Variants in HERC2 observed in about 807,000 individuals in gnomAD.
HERC2 encodes HECT and RLD domain containing E3 ubiquitin protein ligase 2.
In HERC2, 102 loss-of-function variants were observed where a neutral mutation model predicts 537.7. The ratio of observed to expected loss-of-function variants is 0.19; its 90% CI spans 0.16 to 0.22. The LOEUF (loss-of-function observed/expected upper bound fraction) is 0.22, where lower values mean the gene tolerates loss of function less well. Ranked by LOEUF, HERC2 falls within the 10% of genes least tolerant of loss-of-function variation. The probability of loss-of-function intolerance (pLI) is 1.00; values close to 1 mark genes in which losing one functional copy is unlikely to be tolerated. For missense variants in HERC2, 4,236 were observed against 6,198.2 expected (o/e 0.68, Z 10.63); for synonymous variants, 2,224 against 2,466.2 (o/e 0.90, Z 2.91).
rs1220883632 is a variant in HERC2, at chr15:28,111,231, T to TC, written c.*531dup. 1.4e-4 allele frequency: 22 copies of TC among 153,968 alleles called. No homozygotes were observed. The highest frequency in any genetic ancestry group is 5.1e-4 in the African/African-American group (21 of 41,478). 9.5% of individuals were successfully genotyped at this position (153,968 alleles called of 1,614,324 possible). On this transcript the variant is annotated 3_prime_UTR_variant, in exon 93 of 93. Coordinates refer to ENST00000261609, the MANE Select transcript of HERC2 (RefSeq NM_004667.6). ...GGACACCAAATGGCCTTCTGGTTTT[T>TC]CATTTTGGTTTAAATATCCTCTGGA...
At chr15:28,311,076 CAAAAAAA>C (rs71132854) in intron 2 of HERC2, among the ~76,000 whole-genome samples, 2 of 29,294 alleles carry the variant, frequency 6.8e-5, no homozygotes, top group Non-Finnish European at 1.2e-4. Flanking sequence ...GACTGCATCT[CAAAAAAA>C]AAAAAAAAAA....
chr15:28,280,701 T>TC (rs1057514774), intron 4 of HERC2, among the ~76,000 whole-genome samples: 3 of 151,994 alleles, frequency 2.0e-5, no homozygotes, highest in African/African-American at 7.3e-5. Flanking sequence ...GGTCAGGAGT[T>TC]CGAGACCAGC....
At chr15:28,184,810 C>T (rs1458273500) in intron 56 of HERC2, among the ~76,000 whole-genome samples, 3 of 150,976 alleles carry the variant, frequency 2.0e-5, no homozygotes, top group Non-Finnish European at 4.4e-5. Context: ...TGCAGTGAGC[C>T]GAGATTGCAC....
chr15:28,140,284 C>T (rs1307119418), intron 78 of HERC2, among the ~76,000 whole-genome samples: 3 of 152,086 alleles, frequency 2.0e-5, no homozygotes, highest in Admixed American at 6.6e-5. Context: ...TCCACCCACT[C>T]CTACCCAGAA....
intron 9 of HERC2, among the ~76,000 whole-genome samples, chr15:28,271,490 A>G (rs2075726928): frequency 6.6e-6 from 1 of 152,098 alleles, no homozygotes. Context: ...AACATGGTGA[A>G]ACCCCATCTT....
intron 3 of HERC2, 133 bp downstream of exon 3, chr15:28,299,269 C>G (rs971448516): frequency 2.5e-5 from 12 of 475,886 alleles, no homozygotes; most frequent in Non-Finnish European, 4.6e-5. Context: ...AGACAACAAT[C>G]TCCAAAGTAA....
rs528075333 is a variant in HERC2, at chr15:28,202,197, C to A, written c.7533G>T (p.Thr2511=). The A allele has an allele frequency of 6.3e-7, 1 of 1,599,342 alleles. No individual in the cohort carries two copies. Among genetic ancestry groups the A allele is most frequent in the Non-Finnish European group, 8.6e-7 (1 of 1,167,602 alleles). ...WLLDHSDIQV[T]ELSDADTVSD... is the part of the protein sequence containing the mutation. The stretch of plus-strand genomic sequence containing the variant: ...ACACCGTGTCTGCATCTGAGAGCTC[C>A]GTGACCTGTATGTCGGAGTGGTCCA... The change falls in exon 47 of 93, where the codon ACG becomes ACT. Residue 2511 remains threonine (T), a synonymous_variant. Transcript: ENST00000261609.
intron 79 of HERC2, among the ~76,000 whole-genome samples, chr15:28,134,365 T>C (rs76758673): frequency 9.2e-5 from 14 of 152,230 alleles, no homozygotes; most frequent in African/African-American, 3.4e-4. Context: ...TAGCAGCTTT[T>C]TGTAAATACC....
chr15:28,303,342 C>T (rs1469070891), intron 2 of HERC2, among the ~76,000 whole-genome samples: 1 of 152,070 alleles, frequency 6.6e-6, no homozygotes, highest in African/African-American at 2.4e-5. Context: ...TCTGGGTTCT[C>T]TATTCTGTTC....
intron 83 of HERC2, among the ~76,000 whole-genome samples, chr15:28,127,454 A>G (rs1176447818): frequency 1.3e-5 from 2 of 152,216 alleles, no homozygotes; most frequent in Non-Finnish European, 2.9e-5. Flanking sequence ...TGTGGATCCA[A>G]ACTGGACCTG....
chr15:28,246,960 ACTGCTC>A, intron 21 of HERC2, 63 bp from the exon 22 acceptor site: 3 of 1,397,290 alleles, frequency 2.1e-6, no homozygotes, highest in Non-Finnish European at 3.0e-6. Flanking sequence ...AAACAAACTA[ACTGCTC>A]CATGATGCTA....
chr15:28,210,053 C>G (rs1479982916), intron 44 of HERC2, among the ~76,000 whole-genome samples: 1 of 151,142 alleles, frequency 6.6e-6, no homozygotes, highest in African/African-American at 2.4e-5. Flanking sequence ...ACCTCCGCCC[C>G]CCGGTTCAAG....
intron 5 of HERC2, among the ~76,000 whole-genome samples, chr15:28,276,015 T>C (rs530019218): frequency 3.2e-4 from 49 of 151,460 alleles, no homozygotes; most frequent in African/African-American, 1.2e-3. Context: ...GACGAAACCC[T>C]GTCTCCACTA....
rs774699020 is a variant in HERC2 at position 28,270,795 on chromosome 15, G to A, written c.1157C>T (p.Ala386Val). Reference sequence around the variant, plus strand: ...AACCGCCGTTTGTCGCAGATCAATGGCAAGCTCGTTGTCTTGTGGAAGGGT... The same window carrying A: ...AACCGCCGTTTGTCGCAGATCAATGACAAGCTCGTTGTCTTGTGGAAGGGT... ...YLTLPQDNEL[A>V]IDLRQTAVVV... The change falls in exon 10 of 93, where the codon GCC (alanine) becomes GTC (valine). Residue 386 changes from alanine (A) to valine (V), a missense_variant. By Grantham distance (64) the Ala-to-Val change is moderately conservative. Transcript: ENST00000261609. 19 of 1,613,954 alleles carry A rather than the reference G, an allele frequency of 1.2e-5. No homozygotes were observed. The highest frequency in any genetic ancestry group is 1.7e-4 in the Middle Eastern group (1 of 6,056).
At position 28,213,790 on chromosome 15, in the gene HERC2, G is replaced by A. The variant is rs2140441153; in HGVS notation, c.6738C>T (p.Phe2246=). ...AAACGCGACACGTCCGCATGTCAGA[G>A]AACTGCACGGTGATTTTGCCCTTTG... ...ITPKGKITVQ[F]SDMRTCRVCP... Residue 2246 remains phenylalanine, a synonymous_variant, in exon 42 of 93, where the codon TTC becomes TTT. Coordinates refer to ENST00000261609, the MANE Select transcript of HERC2 (RefSeq NM_004667.6). The A allele has an allele frequency of 1.2e-6, 2 of 1,614,012 alleles. No individual in the cohort carries two copies. Among genetic ancestry groups the A allele is most frequent in the South Asian group, 1.1e-5 (1 of 91,072 alleles).
In HERC2 at chr15:28,177,157, G is replaced by T; in HGVS notation, c.9255-30C>A. The T allele has an allele frequency of 6.3e-7, 1 of 1,592,724 alleles. No individual in the cohort carries two copies. Among genetic ancestry groups the T allele is most frequent in the Non-Finnish European group, 8.6e-7 (1 of 1,165,580 alleles). On this transcript the variant is annotated intron_variant, in intron 60 of 92. Coordinates refer to ENST00000261609, the MANE Select transcript of HERC2 (RefSeq NM_004667.6). The surrounding 1 kb of genome is among the most constrained non-coding windows in gnomAD (Gnocchi z 5.0). ...AACAAGATGAAATCAGCTCTCTACA[G>T]TCAATCTGTCCCTTCTTAGAGATGA... is the stretch of plus-strand genomic sequence containing the variant.
At chr15:28,130,402 A>T in intron 82 of HERC2, 100 bp from the exon 83 acceptor site, 1 of 1,589,284 alleles carries the variant, frequency 6.3e-7, no homozygotes, top group Non-Finnish European at 8.6e-7. Context: ...ACACAACCAT[A>T]GCCTGCTGCA....
At position 28,165,013 on chromosome 15, in the gene HERC2, G is replaced by A. The variant is rs189150386; in HGVS notation, c.10555-1728C>T. Among the ~76,000 whole-genome samples the A allele has an allele frequency of 1.2e-3, 185 of 152,354 alleles. 2 individuals carry two copies. The highest frequency in any genetic ancestry group is 4.0e-3 in the African/African-American group (168 of 41,586). On this transcript the variant is annotated intron_variant, in intron 68 of 92. Coordinates refer to ENST00000261609, the MANE Select transcript of HERC2 (RefSeq NM_004667.6). ...TTCCAAATGTAATTAAAAATAAAGT[G>A]TTTGCCCTCAAGGTGGAAAGGCTGG...
intron 4 of HERC2, among the ~76,000 whole-genome samples, chr15:28,281,405 C>T (rs1567112835): frequency 1.3e-5 from 2 of 152,170 alleles, no homozygotes; most frequent in East Asian, 3.9e-4. Context: ...TTTGTGCTTG[C>T]CTCTCTGCTG....
Sources: allele counts gnomAD v4.1 joint callset (sites outside exome capture counted in the v4.1 genomes callset), GRCh38; gene constraint gnomAD v4.1.1; non-coding constraint Gnocchi (gnomAD v3.1); transcripts MANE v1.5; gene names NCBI Gene and HGNC (gene_info 2026-07-23, HGNC 2026-07-21).